Variants in IPO11 observed in about 807,000 individuals in gnomAD.
IPO11 encodes importin 11.
A neutral mutation model predicts 143.2 loss-of-function variants in IPO11; 66 were observed. The observed-to-expected ratio is 0.46, with a 90% CI of 0.38 to 0.57. IPO11 has a LOEUF of 0.57. Ranked by LOEUF, IPO11 falls within the 20% of genes least tolerant of loss-of-function variation. IPO11 has a pLI of 0.00. For missense variants in IPO11, 1,026 were observed against 1,141.0 expected, an observed-to-expected ratio of 0.90 and a Z score of 1.45; for synonymous variants, 385 against 377.8, an observed-to-expected ratio of 1.02 and a Z score of -0.22.
intron 26 of IPO11, among the ~76,000 whole-genome samples, chr5:62,560,173 A>G (rs757432605): frequency 3.3e-5 from 5 of 152,182 alleles, no homozygotes; most frequent in East Asian, 1.9e-4. Flanking sequence ...CACTAGGGAC[A>G]CTAAATAAAG....
chr5:62,443,515 C>T (rs970544593), intron 3 of IPO11, among the ~76,000 whole-genome samples: 1 of 150,882 alleles, frequency 6.6e-6, no homozygotes, highest in African/African-American at 2.4e-5. Flanking sequence ...TTAGTCGTAC[C>T]CACTTAAAAG....
intron 24 of IPO11, among the ~76,000 whole-genome samples, chr5:62,546,148 C>T (rs947678735): frequency 1.3e-5 from 2 of 152,122 alleles, no homozygotes; most frequent in African/African-American, 2.4e-5. Context: ...CACATGCACA[C>T]GTATGTTTAT....
intron 28 of IPO11, among the ~76,000 whole-genome samples, chr5:62,598,420 C>G (rs974149983): frequency 8.5e-5 from 1 of 11,778 alleles, no homozygotes; most frequent in Non-Finnish European, 1.3e-4. Flanking sequence ...TTCTTTCTTT[C>G]TTTCTTTCTT....
intron 22 of IPO11, among the ~76,000 whole-genome samples, chr5:62,531,009 T>C (rs913010548): frequency 3.9e-5 from 6 of 152,210 alleles, no homozygotes; most frequent in African/African-American, 1.4e-4. Flanking sequence ...CCTAATAGTT[T>C]TTCAACCTTT....
intron 1 of IPO11, among the ~76,000 whole-genome samples, chr5:62,431,352 T>C (rs572114122): frequency 9.8e-5 from 14 of 142,642 alleles, no homozygotes; most frequent in South Asian, 4.8e-4. Context: ...TACTCACTTA[T>C]CTAATTGTGC....
intron 24 of IPO11, among the ~76,000 whole-genome samples, chr5:62,546,899 A>C (rs962791092): frequency 6.6e-6 from 1 of 152,206 alleles, no homozygotes; most frequent in Admixed American, 6.6e-5. Flanking sequence ...AGGTAATTAA[A>C]GTAGCTATCT....
intron 5 of IPO11, among the ~76,000 whole-genome samples, chr5:62,462,314 A>C (rs1745388637): frequency 6.6e-6 from 1 of 152,098 alleles, no homozygotes; most frequent in African/African-American, 2.4e-5. Context: ...GTCTTGTCAC[A>C]GTAACAACCT....
intron 24 of IPO11, 89 bp from the exon 25 acceptor site, chr5:62,550,278 A>G: frequency 1.0e-6 from 1 of 966,144 alleles, no homozygotes; most frequent in Non-Finnish European, 1.6e-6. Context: ...GGTCTGTGAT[A>G]CTTATTTTAG....
chr5:62,588,461 G>A (rs1354640548), intron 27 of IPO11, among the ~76,000 whole-genome samples: 1 of 152,118 alleles, frequency 6.6e-6, no homozygotes, highest in African/African-American at 2.4e-5. Context: ...TTGAACTCCT[G>A]GCTTTAAGTG....
At chr5:62,603,879 G>A (rs1029550483) in intron 29 of IPO11, among the ~76,000 whole-genome samples, 7 of 152,204 alleles carry the variant, frequency 4.6e-5, no homozygotes, top group Non-Finnish European at 8.8e-5. Flanking sequence ...ATAGTGGTCC[G>A]ATAAGATAAT....
chr5:62,626,966 A>G (rs898496302), intron 29 of IPO11, among the ~76,000 whole-genome samples, 188 bp from the exon 30 acceptor site: 2 of 152,246 alleles, frequency 1.3e-5, no homozygotes, highest in Non-Finnish European at 2.9e-5. Context: ...AACTGAAGTT[A>G]AGACTAATTG....
chr5:62,516,258 T>C (rs1742013196), intron 20 of IPO11, among the ~76,000 whole-genome samples: 1 of 152,216 alleles, frequency 6.6e-6, no homozygotes, highest in Non-Finnish European at 1.5e-5. Context: ...TTGATACTTT[T>C]TTGAACATGA....
chr5:62,428,695 C>T (rs1199033629), intron 1 of IPO11, among the ~76,000 whole-genome samples: 2 of 152,012 alleles, frequency 1.3e-5, no homozygotes, highest in Non-Finnish European at 2.9e-5. Flanking sequence ...GACAGGGTCT[C>T]ACTTTGTCGC....
intron 9 of IPO11, among the ~76,000 whole-genome samples, chr5:62,480,502 T>A (rs1746149145): frequency 6.6e-6 from 1 of 152,230 alleles, no homozygotes; most frequent in African/African-American, 2.4e-5. Flanking sequence ...TTGATGGAGA[T>A]GGCATTGAAT....
At chr5:62,514,827 C>A (rs968739697) in intron 19 of IPO11, among the ~76,000 whole-genome samples, 1 of 152,188 alleles carries the variant, frequency 6.6e-6, no homozygotes, top group Admixed American at 6.5e-5. Flanking sequence ...TAACTTAATC[C>A]ATAGTGAGCT....
At chr5:62,516,965 G>T (rs566738686) in intron 20 of IPO11, among the ~76,000 whole-genome samples, 1 of 151,842 alleles carries the variant, frequency 6.6e-6, no homozygotes, top group South Asian at 2.1e-4. Flanking sequence ...TTGGGAGGCC[G>T]AGGCGGGTGG....
At chr5:62,461,968 C>T (rs551501273) in intron 5 of IPO11, among the ~76,000 whole-genome samples, 5 of 152,068 alleles carry the variant, frequency 3.3e-5, no homozygotes, top group East Asian at 1.9e-4. Flanking sequence ...GCAAATACTT[C>T]GGGTTTTCAG....
intron 29 of IPO11, among the ~76,000 whole-genome samples, chr5:62,623,809 G>T (rs574146276): frequency 6.6e-6 from 1 of 151,914 alleles, no homozygotes; most frequent in Admixed American, 6.5e-5. Flanking sequence ...GTAGAGATAG[G>T]GTTTCATTGT....
At chr5:62,561,291 C>CGGCCGGGCGCGGTGGCTT in intron 27 of IPO11, 34 bp downstream of exon 27, 1 of 1,278,572 alleles carries the variant, frequency 7.8e-7, no homozygotes, top group Non-Finnish European at 1.1e-6. Flanking sequence ...TTGTTTCTTT[C>CGGCCGGGCGCGGTGGCTT]AAGCATCAAA....
Sources: gnomAD v4.1 joint callset for allele counts (sites outside exome capture counted in the v4.1 genomes callset) on GRCh38, gnomAD v4.1.1 for gene constraint, MANE v1.5 for transcripts, NCBI Gene and HGNC (gene_info 2026-07-23, HGNC 2026-07-21) for gene names.